PRMT7: variants seen among roughly 807,000 people sequenced by gnomAD.
PRMT7 encodes protein arginine N-methyltransferase 7.
In PRMT7, 75 loss-of-function variants were observed where a neutral mutation model predicts 85.4. That is an observed-to-expected ratio of 0.88 (90% CI 0.73 to 1.06). The LOEUF is 1.06. Among genes scored for constraint, PRMT7 ranks in the 50% least tolerant of loss-of-function variants. The probability of loss-of-function intolerance (pLI) is 0.00; values close to 1 mark genes in which losing one functional copy is unlikely to be tolerated. For synonymous variants in PRMT7, 397 were observed against 359.5 expected (o/e 1.10, Z -1.18); for missense variants, 868 against 915.2 (o/e 0.95, Z 0.67).
chr16:68,318,442 G>A (rs1018818184), intron 3 of PRMT7, among the ~76,000 whole-genome samples: 2 of 152,072 alleles, frequency 1.3e-5, no homozygotes, highest in African/African-American at 4.8e-5. Flanking sequence ...CTTGTGATCC[G>A]CCCGCCTCGG....
rs747066723 is a variant in PRMT7, at chr16:68,321,417, G to GT, written c.96-3dup. 9 of 1,603,404 alleles carry GT rather than the reference G, an allele frequency of 5.6e-6. No individual in the cohort carries two copies. The highest frequency in any genetic ancestry group is 4.5e-5 in the East Asian group (2 of 44,708). Reference sequence around the variant, plus strand: ...TCATGCAAAGGTTACTGACTTTTTTGTTTTTTAGGTCATCTTATGCAGATA... The same window carrying GT: ...TCATGCAAAGGTTACTGACTTTTTTGTTTTTTTAGGTCATCTTATGCAGATA... On this transcript the variant is annotated splice_polypyrimidine_tract_variant and intron_variant, in intron 3 of 18. Coordinates refer to ENST00000441236, the MANE Select transcript of PRMT7 (RefSeq NM_019023.5).
chr16:68,311,946 C>T (rs1251679590), intron 1 of PRMT7, 96 bp from the exon 2 acceptor site: 1 of 152,114 alleles, frequency 6.6e-6, no homozygotes, highest in African/African-American at 2.4e-5. Context: ...GGGCAAGGGT[C>T]TTCTCTAGCT....
chr16:68,324,908 G>C, intron 5 of PRMT7, 76 bp downstream of exon 5: 2 of 1,572,768 alleles, frequency 1.3e-6, no homozygotes, highest in South Asian at 1.1e-5. Flanking sequence ...TTCCCCGTCT[G>C]TTCCTTCACA....
At chr16:68,326,689 C>T (rs1193767658) in intron 5 of PRMT7, among the ~76,000 whole-genome samples, 1 of 152,162 alleles carries the variant, frequency 6.6e-6, no homozygotes, top group African/African-American at 2.4e-5. Context: ...TTAGCTCAGA[C>T]AAGTGCACCA....
intron 5 of PRMT7, among the ~76,000 whole-genome samples, chr16:68,327,093 C>T (rs1330896201): frequency 5.9e-5 from 9 of 152,080 alleles, no homozygotes; most frequent in African/African-American, 1.2e-4. Context: ...AAATACTGCG[C>T]GCTAATCAAT....
chr16:68,321,713 A>T, intron 4 of PRMT7: 1 of 412,360 alleles, frequency 2.4e-6, no homozygotes, highest in South Asian at 5.8e-5. Flanking sequence ...TGTGATGAAT[A>T]TATGTGTATG....
chr16:68,337,496 A>G lies in PRMT7; in HGVS notation c.429A>G (p.Thr143=). The part of the protein sequence containing the change: ...DMPCRANILV[T]ELFDTELIGE... ...CATGCCGTGCCAACATCCTGGTCAC[A>G]GAGTTGTTTGACACAGAGCTGATCG... The change falls in exon 7 of 19, where the codon ACA becomes ACG. Residue 143 remains threonine, a synonymous_variant. Transcript: ENST00000441236. The G allele has an allele frequency of 6.2e-7, 1 of 1,612,478 alleles. No individual in the cohort carries two copies. The highest frequency in any genetic ancestry group is 8.5e-7 in the Non-Finnish European group (1 of 1,179,256).
Position 68,353,581 on chromosome 16 carries a change from A to G in PRMT7, c.1650+15A>G, listed in dbSNP as rs760431828. On this transcript the variant is annotated intron_variant, in intron 16 of 18. Coordinates refer to ENST00000441236, the MANE Select transcript of PRMT7 (RefSeq NM_019023.5). ...ACATGATTAAGGTAGGCAGGGCCAC[A>G]CTCTGCATAGTACCCCCGACCTGCT... 1.3e-6 allele frequency: 2 copies of G among 1,562,806 alleles called. No homozygotes were observed. Among genetic ancestry groups the G allele is most frequent in the East Asian group, 2.4e-5 (1 of 41,770 alleles).
At chr16:68,323,777 C>T (rs2151471647) in intron 4 of PRMT7, 1 of 152,234 alleles carries the variant, frequency 6.6e-6, no homozygotes, top group Non-Finnish European at 1.5e-5. Context: ...ATATTTCTTA[C>T]TAACTTGGCA....
chr16:68,351,797 A>C, intron 14 of PRMT7: 1 of 154,342 alleles, frequency 6.5e-6, no homozygotes. Flanking sequence ...CTGGGGAGGG[A>C]GACGGAGACA....
At chr16:68,342,104 C>G (rs2085634680) in intron 9 of PRMT7, among the ~76,000 whole-genome samples, 1 of 151,982 alleles carries the variant, frequency 6.6e-6, no homozygotes, top group African/African-American at 2.4e-5. Flanking sequence ...ATGGAGAAAC[C>G]CCACTTCTAC....
At chr16:68,352,090 G>T (rs2087467210) in intron 14 of PRMT7, 158 bp from the exon 15 acceptor site, 1 of 704,524 alleles carries the variant, frequency 1.4e-6, no homozygotes, top group African/African-American at 1.8e-5. Flanking sequence ...ACTGATGAGG[G>T]AGGGAGGGAA....
intron 4 of PRMT7, among the ~76,000 whole-genome samples, chr16:68,323,322 G>C (rs2082726273): frequency 6.6e-6 from 1 of 150,590 alleles, no homozygotes; most frequent in Non-Finnish European, 1.5e-5. Flanking sequence ...GAGTTCAAGT[G>C]ATTCTCCTGC....
At chr16:68,333,319 T>C (rs894467066) in intron 6 of PRMT7, among the ~76,000 whole-genome samples, 4 of 151,960 alleles carry the variant, frequency 2.6e-5, no homozygotes, top group Admixed American at 6.6e-5. Context: ...CTGTCTCTAC[T>C]AAAAATACAA....
chr16:68,350,168 G>A lies in PRMT7; in HGVS notation c.1413+1737G>A, dbSNP rs548259792. On this transcript the variant is annotated intron_variant, in intron 14 of 18. Coordinates refer to ENST00000441236, the MANE Select transcript of PRMT7 (RefSeq NM_019023.5). ...TTCCACGGTGTGGCTATCCATTCAT[G>A]TGCTTATGGACGTTTGGATTGTGTC... Among the ~76,000 whole-genome samples the A allele has an allele frequency of 2.0e-5, 3 of 152,340 alleles. No individual in the cohort carries two copies. In the East Asian group the frequency reaches 5.8e-4, roughly 29 times the overall value.
intron 4 of PRMT7, 104 bp from the exon 5 acceptor site, chr16:68,324,579 C>G: frequency 7.1e-7 from 1 of 1,413,644 alleles, no homozygotes; most frequent in Non-Finnish European, 9.8e-7. Flanking sequence ...GCCATAGGGC[C>G]CTGACTTGCA....
rs1307930857 is a variant in PRMT7, at chr16:68,311,129, G to C, written c.-219+30G>C. 9.0e-5 allele frequency: 61 copies of C among 680,978 alleles called. No individual in the cohort carries two copies. In the East Asian group the frequency reaches 1.6e-3, roughly 18 times the overall value. 42.2% of individuals were successfully genotyped at this position (680,978 alleles called of 1,614,324 possible). On this transcript the variant is annotated intron_variant, in intron 1 of 18. Coordinates refer to ENST00000441236, the MANE Select transcript of PRMT7 (RefSeq NM_019023.5). ...GGCGCTGGGTATGCTGGGAAGGTGG[G>C]GTCGCTTTGGGGTTCTGTGTGCAGC...
At chr16:68,324,411 T>A in intron 4 of PRMT7, 2 of 466,020 alleles carry the variant, frequency 4.3e-6, no homozygotes, top group South Asian at 4.5e-5. Flanking sequence ...TACCTAACAG[T>A]TGGAAAAAGG....
rs2088774100 is a variant in PRMT7, at chr16:68,357,346, A to G, written c.*122A>G. ...AGCTGCTCGGCCTCAGGGATGGGAA[A>G]GACTGCGCCGTGTTGCATCTTGTTG... is the stretch of plus-strand genomic sequence containing the variant. On this transcript the variant is annotated 3_prime_UTR_variant, in exon 19 of 19. Coordinates refer to ENST00000441236, the MANE Select transcript of PRMT7 (RefSeq NM_019023.5). The G allele has an allele frequency of 1.8e-6, 2 of 1,089,704 alleles. No homozygotes were observed. The highest frequency in any genetic ancestry group is 2.7e-5 in the Admixed American group (1 of 37,100). The allele number at this position is 1,089,704 out of a possible 1,614,324, so 67.5% of individuals were successfully genotyped here.
Sources: gnomAD v4.1 joint callset for allele counts (sites outside exome capture counted in the v4.1 genomes callset) on GRCh38, gnomAD v4.1.1 for gene constraint, MANE v1.5 for transcripts, NCBI Gene and HGNC (gene_info 2026-07-23, HGNC 2026-07-21) for gene names.